Variants in CLTCL1 observed in about 807,000 individuals in gnomAD.
CLTCL1 encodes clathrin heavy chain like 1, also known as clathrin heavy chain 2.
Under a neutral mutation model 190.0 loss-of-function variants are expected in CLTCL1, and 159 were observed. The observed-to-expected ratio is 0.84, with a 90% CI of 0.74 to 0.95. The LOEUF is 0.95. Ranked by LOEUF, CLTCL1 falls within the 40% of genes least tolerant of loss-of-function variation. The pLI, the probability that CLTCL1 is intolerant of heterozygous loss-of-function variation, is 0.00. For synonymous variants in CLTCL1, 752 were observed against 769.6 expected (o/e 0.98, Z 0.38); for missense variants, 1,878 against 2,033.4 (o/e 0.92, Z 1.47).
At chr22:19,240,232 G>C (rs148140792) in intron 4 of CLTCL1, among the ~76,000 whole-genome samples, 121 of 151,948 alleles carry the variant, frequency 8.0e-4, no homozygotes, top group African/African-American at 2.1e-3. Flanking sequence ...CAAAATGCTG[G>C]GATTACAGGC....
rs1424710630 is a variant in CLTCL1, at chr22:19,199,878, C to G, written c.3766-37G>C. 4.3e-6 allele frequency: 6 copies of G among 1,399,240 alleles called. No homozygotes were observed. In the African/African-American group the frequency reaches 5.7e-5, roughly 13 times the overall value. The allele number at this position is 1,399,240 out of a possible 1,614,324, so 86.7% of individuals were successfully genotyped here. On this transcript the variant is annotated intron_variant, in intron 23 of 32. Coordinates refer to ENST00000427926, the MANE Select transcript of CLTCL1 (RefSeq NM_007098.4). ...AGGGCAAGCGTGAGGGTCCCCAAGA[C>G]AGGACACAGCACCACAGCAGCTGAC...
chr22:19,229,840 G>C lies in CLTCL1; in HGVS notation c.1780C>G (p.Gln594Glu), dbSNP rs782320133. 1 of 1,607,388 alleles carries C rather than the reference G, an allele frequency of 6.2e-7. No individual in the cohort carries two copies. Residue 594 changes from glutamine (Q) to glutamate (E), a missense_variant and splice_region_variant, in exon 11 of 33, where the codon CAG becomes GAG. Physicochemically the swap from Gln to Glu is conservative, Grantham distance 29. Coordinates refer to ENST00000427926, the MANE Select transcript of CLTCL1 (RefSeq NM_007098.4). ...LLEMNLVHAP[Q>E]VADAILGNKM... ...GTGTTAGCCTACAAGTCACTGACCT[G>C]GGGTGCATGAACAAGGTTCATCTCC...
At chr22:19,239,865 T>A (rs1322125435) in intron 4 of CLTCL1, among the ~76,000 whole-genome samples, 1 of 152,024 alleles carries the variant, frequency 6.6e-6, no homozygotes, top group Admixed American at 6.6e-5. Flanking sequence ...AAGAATCTGA[T>A]GAGGGAGCCC....
chr22:19,265,496 C>T (rs1555977503), intron 2 of CLTCL1, among the ~76,000 whole-genome samples: 1 of 151,610 alleles, frequency 6.6e-6, no homozygotes, highest in South Asian at 2.1e-4. Context: ...TATATAGATG[C>T]ATATATGCAT....
rs1318543534 is a variant in CLTCL1 at position 19,225,062 on chromosome 22, G to C, written c.2128+391C>G. On this transcript the variant is annotated intron_variant, in intron 13 of 32. Transcript: ENST00000427926. ...ACCACAAAGCAATGCACCCTCTATC[G>C]TGGGCTCTCATTTAGGAGAGGCCCA... is the stretch of plus-strand genomic sequence containing the variant. Among the ~76,000 whole-genome samples the C allele has an allele frequency of 2.6e-5, 4 of 152,274 alleles. No homozygotes were observed. In the South Asian group the frequency reaches 6.2e-4, roughly 24 times the overall value.
At chr22:19,195,259 CAG>C (rs2084658462) in intron 26 of CLTCL1, among the ~76,000 whole-genome samples, 1 of 152,208 alleles carries the variant, frequency 6.6e-6, no homozygotes, top group African/African-American at 2.4e-5. Context: ...CAGCAACCTG[CAG>C]ACTCTGCTCA....
rs186136184 is a variant in CLTCL1 at position 19,190,765 on chromosome 22, A to G, written c.4323+539T>C. Among the ~76,000 whole-genome samples, 379 of 151,716 alleles carry G rather than the reference A, an allele frequency of 2.5e-3. 5 individuals are homozygous for G. Among genetic ancestry groups the G allele is most frequent in the Middle Eastern group, 0.01 (3 of 290 alleles). On this transcript the variant is annotated intron_variant, in intron 27 of 32. Transcript: ENST00000427926. ...TCGACTTTCTCAATGCAGGGTTACAAACCTCCAATCTTTTTTTTTTTTTTT... is the reference window on the plus strand; with the variant it reads ...TCGACTTTCTCAATGCAGGGTTACAGACCTCCAATCTTTTTTTTTTTTTTT...
At chr22:19,217,147 T>C (rs2085410098) in intron 18 of CLTCL1, among the ~76,000 whole-genome samples, 1 of 152,120 alleles carries the variant, frequency 6.6e-6, no homozygotes, top group Non-Finnish European at 1.5e-5. Flanking sequence ...AAGTTCTACC[T>C]CTGTGGAATT....
chr22:19,285,277 A>AAAAAAG (rs1277187722), intron 1 of CLTCL1, among the ~76,000 whole-genome samples: 10 of 152,086 alleles, frequency 6.6e-5, no homozygotes, highest in Non-Finnish European at 1.2e-4. Flanking sequence ...TCCATCTTAA[A>AAAAAAG]AAAAAGAAAA....
intron 1 of CLTCL1, among the ~76,000 whole-genome samples, chr22:19,290,100 T>C (rs2146421682): frequency 6.6e-6 from 1 of 152,356 alleles, no homozygotes; most frequent in Middle Eastern, 3.4e-3. Context: ...ATATCAACTC[T>C]GATGGACATT....
intron 32 of CLTCL1, 57 bp from the exon 33 acceptor site, chr22:19,180,026 C>T: frequency 1.6e-6 from 1 of 619,250 alleles, no homozygotes. Context: ...GGGGTCCTCT[C>T]CTGGCTGCCC....
At chr22:19,271,270 G>A (rs184579039) in intron 2 of CLTCL1, among the ~76,000 whole-genome samples, 2 of 152,310 alleles carry the variant, frequency 1.3e-5, no homozygotes, top group Admixed American at 1.3e-4. Flanking sequence ...ATCTCAAGTT[G>A]TAGTTCCCAG....
At chr22:19,201,578 G>A (rs1569163010) in intron 22 of CLTCL1, 85 bp from the exon 23 acceptor site, 4 of 1,400,582 alleles carry the variant, frequency 2.9e-6, no homozygotes, top group South Asian at 2.6e-5. Flanking sequence ...AGATGGCAGA[G>A]GTATTTTTCT....
chr22:19,192,947 A>G (rs2084562882), intron 26 of CLTCL1, among the ~76,000 whole-genome samples: 1 of 152,226 alleles, frequency 6.6e-6, no homozygotes, highest in Admixed American at 6.5e-5. Flanking sequence ...GGGCCAGGAC[A>G]TGGGGGCCTC....
chr22:19,208,967 C>T lies in CLTCL1; in HGVS notation c.3397G>A (p.Asp1133Asn), dbSNP rs540142729. The T allele has an allele frequency of 9.9e-6, 16 of 1,611,326 alleles. No homozygotes were observed. Among genetic ancestry groups the T allele is most frequent in the African/African-American group, 4.0e-5 (3 of 74,856 alleles). ...EAINSYIRGD[D>N]PSSYLEVVQS... ...ACAACTTCCAGGTAAGAGGAAGGGT[C>T]GTCCCCTCTGATATAGGAGTTGATG... The change falls in exon 21 of 33, where the codon GAC (aspartate) becomes AAC (asparagine). Residue 1133 changes from aspartate to asparagine, a missense_variant. Transcript: ENST00000427926.
At chr22:19,222,883 C>T (rs1555953476) in intron 14 of CLTCL1, 74 bp from the exon 15 acceptor site, 1 of 1,526,420 alleles carries the variant, frequency 6.6e-7, no homozygotes, top group Admixed American at 2.0e-5. Context: ...TCATTGCACA[C>T]ATGGGACGGC....
intron 18 of CLTCL1, among the ~76,000 whole-genome samples, chr22:19,218,105 G>C (rs1555950546): frequency 6.6e-6 from 1 of 152,156 alleles, no homozygotes; most frequent in Non-Finnish European, 1.5e-5. Flanking sequence ...TTCGCACCAG[G>C]AGGTGGCTAC....
rs565619215 is a variant in CLTCL1 at position 19,256,368 on chromosome 22, T to A, written c.251-2141A>T. On this transcript the variant is annotated intron_variant, in intron 2 of 32. Transcript: ENST00000427926. ...TTTTCTTTTATCTTTTTTTTTTTTT[T>A]TTTTTTGAGACACAGTCTCTCTCTG... 2.3e-3 allele frequency among the ~76,000 whole-genome samples: 335 copies of A among 145,478 alleles called. 9 individuals carry two copies. In the East Asian group the frequency reaches 0.058, roughly 25 times the overall value.
chr22:19,239,410 A>G, intron 4 of CLTCL1, 22 bp from the exon 5 acceptor site: 1 of 1,585,318 alleles, frequency 6.3e-7, no homozygotes, highest in Non-Finnish European at 8.7e-7. Context: ...ATTTTAGGTC[A>G]ATCAAGGGGA....
Sources: allele counts gnomAD v4.1 joint callset (sites outside exome capture counted in the v4.1 genomes callset), GRCh38; gene constraint gnomAD v4.1.1; transcripts MANE v1.5; gene names NCBI Gene and HGNC (gene_info 2026-07-23, HGNC 2026-07-21).